PCDH15: variants seen among roughly 807,000 people sequenced by gnomAD.
The protein encoded by PCDH15 is protocadherin-15.
In PCDH15, 129 loss-of-function variants were observed where a neutral mutation model predicts 178.5. The ratio of observed to expected loss-of-function variants is 0.72; its 90% CI spans 0.63 to 0.84. The LOEUF (loss-of-function observed/expected upper bound fraction) is 0.84, where lower values mean the gene tolerates loss of function less well. PCDH15 is among the 40% of genes least tolerant of loss of function. The pLI is 0.00. For missense variants in PCDH15, 2,230 were observed against 2,099.9 expected, an observed-to-expected ratio of 1.06 and a Z score of -1.21; for synonymous variants, 800 against 732.0, an observed-to-expected ratio of 1.09 and a Z score of -1.50.
rs1483528983 is a variant in PCDH15, at chr10:54,238,711, AC to A, written c.877-1781del. Among the ~76,000 whole-genome samples the A allele has an allele frequency of 2.9e-5, 4 of 139,530 alleles. No individual in the cohort carries two copies. The South Asian group carries it at 6.4e-4, about 22-fold the overall frequency. The allele number at this position is 139,530 out of a possible 152,430, so 91.5% of individuals were successfully genotyped here. On this transcript the variant is annotated intron_variant, in intron 8 of 37. Coordinates refer to ENST00000644397, the MANE Select transcript of PCDH15 (RefSeq NM_001384140.1). ...CACACACACACACACACACACACAC[AC>A]ACTTTCCCAATAATCAATTTGCTTG... is the stretch of plus-strand genomic sequence containing the variant.
rs1297892741 is a variant in PCDH15 at position 55,612,990 on chromosome 10, A to G, written c.-156+14635T>C. On this transcript the variant is annotated intron_variant, in intron 2 of 5. Coordinates refer to the PCDH15 transcript ENST00000613346. ...CTATCTTCCTGTCAGAAAAGTTGAG[A>G]CTCTCCAATACATATTTACTAGCCA... 2.0e-5 allele frequency among the ~76,000 whole-genome samples: 3 copies of G among 146,626 alleles called. No individual in the cohort carries two copies. The Admixed American group carries it at 2.1e-4, about 10-fold the overall frequency.
chr10:54,320,115 A>G (rs923992642), intron 7 of PCDH15, among the ~76,000 whole-genome samples: 1 of 152,154 alleles, frequency 6.6e-6, no homozygotes, highest in African/African-American at 2.4e-5. Context: ...ACCTAAAGAC[A>G]TTTGAGATTC....
intron 2 of PCDH15, among the ~76,000 whole-genome samples, chr10:54,913,991 C>G (rs1954861967): frequency 6.6e-6 from 1 of 152,096 alleles, no homozygotes; most frequent in African/African-American, 2.4e-5. Context: ...TAGGGGGTTG[C>G]CTTGTCTCAT....
chr10:54,965,053 G>T lies in PCDH15; in HGVS notation c.-79-67553C>A, dbSNP rs546751095. Among the ~76,000 whole-genome samples, 80 of 152,244 alleles carry T rather than the reference G, an allele frequency of 5.3e-4. 1 individual carries two copies. The highest frequency in any genetic ancestry group is 3.4e-3 in the Middle Eastern group (1 of 294). ...AGAGATCTGACACAAGAGAATATTAGCTATAAGCTGCATATTAAGTATGTA... is the reference window on the plus strand; with the variant it reads ...AGAGATCTGACACAAGAGAATATTATCTATAAGCTGCATATTAAGTATGTA... On this transcript the variant is annotated intron_variant, in intron 2 of 5. Transcript: ENST00000458638.
chr10:55,614,979 A>C (rs1339327717), intron 2 of PCDH15, among the ~76,000 whole-genome samples: 1 of 152,116 alleles, frequency 6.6e-6, no homozygotes, highest in Non-Finnish European at 1.5e-5. Flanking sequence ...TCTCAACATT[A>C]ATTTGGAGCC....
intron 2 of PCDH15, among the ~76,000 whole-genome samples, chr10:54,652,991 T>C (rs1332675215): frequency 1.3e-5 from 2 of 152,224 alleles, no homozygotes; most frequent in African/African-American, 4.8e-5. Context: ...ATATTTTATA[T>C]AATTTTCTTA....
At chr10:53,886,588 T>A (rs983430198) in intron 26 of PCDH15, among the ~76,000 whole-genome samples, 1 of 139,814 alleles carries the variant, frequency 7.2e-6, no homozygotes. Context: ...TGCCCACATG[T>A]ATGCCTCTTT....
intron 1 of PCDH15, among the ~76,000 whole-genome samples, chr10:54,796,229 T>C (rs898444563): frequency 1.9e-4 from 15 of 78,196 alleles, no homozygotes; most frequent in Non-Finnish European, 3.5e-4. Context: ...ACATTATCTA[T>C]CTATCTATCT....
intron 26 of PCDH15, among the ~76,000 whole-genome samples, chr10:53,891,598 A>G (rs1194964997): frequency 6.6e-6 from 1 of 152,148 alleles, no homozygotes; most frequent in Admixed American, 6.5e-5. Context: ...CTTTATTTTC[A>G]TGTATCATGT....
intron 2 of PCDH15, among the ~76,000 whole-genome samples, chr10:54,985,013 G>A (rs180741904): frequency 1.3e-5 from 2 of 152,246 alleles, no homozygotes; most frequent in African/African-American, 4.8e-5. Context: ...TGATGGGTAA[G>A]TAAAAGTATC....
At chr10:55,591,428 C>G (rs1257038806) in intron 2 of PCDH15, among the ~76,000 whole-genome samples, 2 of 151,770 alleles carry the variant, frequency 1.3e-5, no homozygotes, top group African/African-American at 2.4e-5. Context: ...GAGTGAGACT[C>G]TCTCTCATAA....
At chr10:55,468,081 G>T (rs1391688014) in intron 2 of PCDH15, among the ~76,000 whole-genome samples, 1 of 151,848 alleles carries the variant, frequency 6.6e-6, no homozygotes. Flanking sequence ...AATAAATGTG[G>T]ATATTTGTGA....
intron 2 of PCDH15, among the ~76,000 whole-genome samples, chr10:55,127,405 A>C (rs1837928878): frequency 6.6e-6 from 1 of 152,070 alleles, no homozygotes; most frequent in South Asian, 2.1e-4. Context: ...AGTCATTCAA[A>C]AGCCAAAGGA....
At chr10:54,342,981 T>G (rs967920637) in intron 6 of PCDH15, among the ~76,000 whole-genome samples, 6 of 152,158 alleles carry the variant, frequency 3.9e-5, no homozygotes, top group African/African-American at 1.4e-4. Context: ...TAACAACTTG[T>G]TTTTGATTTT....
At chr10:54,482,459 T>C (rs2078787431) in intron 3 of PCDH15, among the ~76,000 whole-genome samples, 2 of 151,886 alleles carry the variant, frequency 1.3e-5, no homozygotes, top group Admixed American at 6.6e-5. Flanking sequence ...ATAAAAATGA[T>C]ACTTTATTAT....
At chr10:53,909,388 CAATAAATGTTAAATTA>C (rs1476775069) in intron 25 of PCDH15, among the ~76,000 whole-genome samples, 6 of 152,158 alleles carry the variant, frequency 3.9e-5, no homozygotes, top group Non-Finnish European at 8.8e-5. Context: ...TGTAGGTGTT[CAATAAATGTTAAATTA>C]AATTGTAATT....
intron 1 of PCDH15, among the ~76,000 whole-genome samples, chr10:54,738,005 T>C (rs1368594547): frequency 6.6e-6 from 1 of 151,872 alleles, no homozygotes; most frequent in African/African-American, 2.4e-5. Context: ...AAATGGATAA[T>C]GGGGGAGGAG....
At chr10:54,092,319 G>A (rs369519954) in intron 15 of PCDH15, among the ~76,000 whole-genome samples, 80 of 152,148 alleles carry the variant, frequency 5.3e-4, no homozygotes, top group African/African-American at 1.8e-3. Context: ...TTTTACTAAC[G>A]TGTTGCTTCT....
At chr10:54,351,323 A>C (rs1437643063) in intron 5 of PCDH15, among the ~76,000 whole-genome samples, 1 of 152,168 alleles carries the variant, frequency 6.6e-6, no homozygotes, top group East Asian at 1.9e-4. Context: ...GGCAGGTAGC[A>C]TTGAAATGTA....
Sources: gnomAD v4.1 joint callset for allele counts (sites outside exome capture counted in the v4.1 genomes callset) on GRCh38, gnomAD v4.1.1 for gene constraint, MANE v1.5 for transcripts, NCBI Gene and HGNC (gene_info 2026-07-23, HGNC 2026-07-21) for gene names.